Variants in TTYH3 observed in about 807,000 individuals in gnomAD.
TTYH3 encodes the protein protein tweety homolog 3.
TTYH3 carries 23 observed loss-of-function variants against 68.2 expected under a neutral mutation model. The ratio of observed to expected loss-of-function variants is 0.34; its 90% confidence interval spans 0.24 to 0.48. TTYH3 has a LOEUF of 0.48. Among genes scored for constraint, TTYH3 ranks in the 20% least tolerant of loss-of-function variants. The pLI is 0.99. For missense variants in TTYH3, 768 were observed against 727.7 expected, an observed-to-expected ratio of 1.06 and a Z score of -0.64; for synonymous variants, 360 against 332.8, an observed-to-expected ratio of 1.08 and a Z score of -0.89.
intron 1 of TTYH3, among the ~76,000 whole-genome samples, chr7:2,640,954 G>C (rs1475192577): frequency 2.0e-5 from 3 of 152,250 alleles, no homozygotes; most frequent in African/African-American, 7.2e-5. Context: ...TGCAGCACCG[G>C]GTTTGGGCCT....
chr7:2,643,787 C>T (rs1401371108), intron 1 of TTYH3, among the ~76,000 whole-genome samples: 1 of 149,952 alleles, frequency 6.7e-6, no homozygotes, highest in Non-Finnish European at 1.5e-5. Context: ...GGTGGACATG[C>T]CAGGCCGGTG....
chr7:2,657,741 C>G lies in TTYH3; in HGVS notation c.1251-545C>G, dbSNP rs113546125. 2.6e-5 allele frequency among the ~76,000 whole-genome samples: 4 copies of G among 152,350 alleles called. 1 individual carries two copies. The highest frequency in any genetic ancestry group is 9.6e-5 in the African/African-American group (4 of 41,590). ...CTGGTGGCCCCTGCGCAGCCAAAAG[C>G]TACCACTGTCCTGTTTCTGAAGTGC... On this transcript the variant is annotated intron_variant, in intron 11 of 13. Transcript: ENST00000258796.
At position 2,648,163 on chromosome 7, in the gene TTYH3, C is replaced by T. The variant is rs555647176; in HGVS notation, c.722+109C>T. On this transcript the variant is annotated intron_variant, in intron 5 of 13. Transcript: ENST00000258796. Reference sequence around the variant, plus strand: ...CTGCAGATCCTAGCCACAAGCTCTGCGGTGGGGGCTGAGCGGGACCCCCCT... The same window carrying T: ...CTGCAGATCCTAGCCACAAGCTCTGTGGTGGGGGCTGAGCGGGACCCCCCT... 100 of 1,079,522 alleles carry T rather than the reference C, an allele frequency of 9.3e-5. 1 individual carries two copies. The African/African-American group carries it at 1.0e-3, about 11-fold the overall frequency. 66.9% of individuals were successfully genotyped at this position (1,079,522 alleles called of 1,614,324 possible). A position where few individuals can be genotyped will look rare whatever the true frequency, so the allele number is the denominator to read the frequency against.
At chr7:2,658,563 G>A (rs774805252) in intron 12 of TTYH3, 104 bp downstream of exon 12, 244 of 1,394,908 alleles carry the variant, frequency 1.7e-4, no homozygotes, top group Non-Finnish European at 2.3e-4. Flanking sequence ...GAGAAGGGGC[G>A]GCCTCCGGGC....
intron 7 of TTYH3, among the ~76,000 whole-genome samples, chr7:2,650,437 G>A (rs991420697): frequency 1.2e-4 from 18 of 152,164 alleles, no homozygotes; most frequent in African/African-American, 4.3e-4. Flanking sequence ...AATGAGCTGG[G>A]TGTGGTCGTG....
rs1562713906 is a variant in TTYH3, at chr7:2,648,954, G to GTGGGGCCTGCAGTGGGGTA, written c.723-606_723-605insTGCAGTGGGGTATGGGGCC. ...TGGGGTGTGGGGCCCGCAGTGGGGT[G>GTGGGGCCTGCAGTGGGGTA]TGGGGCCCGCAGTGGGGTGTGGGGC... On this transcript the variant is annotated intron_variant, in intron 5 of 13. Transcript: ENST00000258796. Among the ~76,000 whole-genome samples, 45 of 140,302 alleles carry GTGGGGCCTGCAGTGGGGTA rather than the reference G, an allele frequency of 3.2e-4. 4 individuals are homozygous for GTGGGGCCTGCAGTGGGGTA. In the East Asian group the frequency reaches 8.2e-3, roughly 26 times the overall value. 92.0% of individuals were successfully genotyped at this position (140,302 alleles called of 152,430 possible).
At chr7:2,635,936 G>A (rs925114710) in intron 1 of TTYH3, among the ~76,000 whole-genome samples, 4 of 152,024 alleles carry the variant, frequency 2.6e-5, no homozygotes, top group African/African-American at 9.7e-5. Context: ...CTTGAGCCTC[G>A]GGGAGAGGCC....
intron 6 of TTYH3, 61 bp from the exon 7 acceptor site, chr7:2,649,852 C>G (rs375215836): frequency 2.5e-6 from 4 of 1,589,676 alleles, no homozygotes; most frequent in Non-Finnish European, 3.4e-6. Flanking sequence ...GTTCTACCCC[C>G]GAGAGCTTCC....
intron 12 of TTYH3, 132 bp downstream of exon 12, chr7:2,658,591 G>A: frequency 8.9e-7 from 1 of 1,127,524 alleles, no homozygotes. Context: ...CCCTGGCCTT[G>A]AGTGCCTCCT....
At chr7:2,655,968 G>T in intron 9 of TTYH3, 124 bp from the exon 10 acceptor site, 1 of 733,230 alleles carries the variant, frequency 1.4e-6, no homozygotes, top group Non-Finnish European at 2.2e-6. Flanking sequence ...CCCCAGGGTG[G>T]GGGGTATCTC....
rs772793673 is a variant in TTYH3 at position 2,653,026 on chromosome 7, G to T, written c.1020+16G>T. ...GGCCACTAAGGTGAGGGGCTGCGGG[G>T]TAGGCACTGGGGCAGGCAGGGCTCC... On this transcript the variant is annotated intron_variant, in intron 9 of 13. Coordinates refer to ENST00000258796, the MANE Select transcript of TTYH3 (RefSeq NM_025250.3). 1 of 1,556,884 alleles carries T rather than the reference G, an allele frequency of 6.4e-7. No homozygotes were observed. The highest frequency in any genetic ancestry group is 1.2e-5 in the South Asian group (1 of 84,678).
At chr7:2,650,471 C>T (rs111845542) in intron 7 of TTYH3, among the ~76,000 whole-genome samples, 2,932 of 152,044 alleles carry the variant, frequency 0.019, 81 homozygotes, top group African/African-American at 0.067. Flanking sequence ...CCAGCTACTC[C>T]GGAGACTGAG....
intron 1 of TTYH3, among the ~76,000 whole-genome samples, chr7:2,640,045 C>A (rs892135555): frequency 6.6e-6 from 1 of 152,202 alleles, no homozygotes; most frequent in Non-Finnish European, 1.5e-5. Flanking sequence ...GACTCTGGAA[C>A]TCCCTGTGCC....
intron 13 of TTYH3, chr7:2,659,956 T>C (rs1786445881): frequency 2.4e-6 from 3 of 1,263,356 alleles, no homozygotes; most frequent in Non-Finnish European, 3.1e-6. Context: ...CTGGCTGCCC[T>C]GGACTCTGGC....
intron 9 of TTYH3, among the ~76,000 whole-genome samples, chr7:2,653,708 C>T (rs1786254741): frequency 6.6e-6 from 1 of 152,086 alleles, no homozygotes; most frequent in African/African-American, 2.4e-5. Context: ...ACTAAAAATA[C>T]ATAAATTAGC....
intron 1 of TTYH3, among the ~76,000 whole-genome samples, chr7:2,643,969 G>A (rs1583561514): frequency 6.6e-6 from 1 of 152,308 alleles, no homozygotes; most frequent in African/African-American, 2.4e-5. Context: ...CCGGAGCACA[G>A]GGTCGGGGGA....
chr7:2,638,666 C>G (rs906807772), intron 1 of TTYH3, among the ~76,000 whole-genome samples: 3 of 152,202 alleles, frequency 2.0e-5, no homozygotes, highest in African/African-American at 7.2e-5. Flanking sequence ...CAGGCACGGC[C>G]AGGAGCTCAC....
chr7:2,635,062 C>T (rs1785622126), intron 1 of TTYH3, among the ~76,000 whole-genome samples: 1 of 152,142 alleles, frequency 6.6e-6, no homozygotes, highest in South Asian at 2.1e-4. Flanking sequence ...GAGGGGCTCC[C>T]GTGCTGCCTG....
At chr7:2,642,931 C>T (rs1785887043) in intron 1 of TTYH3, among the ~76,000 whole-genome samples, 1 of 149,566 alleles carries the variant, frequency 6.7e-6, no homozygotes, top group Non-Finnish European at 1.5e-5. Context: ...GCATTGGTGG[C>T]GGGTACCTGT....
Sources: allele counts gnomAD v4.1 joint callset (sites outside exome capture counted in the v4.1 genomes callset), GRCh38; gene constraint gnomAD v4.1.1; transcripts MANE v1.5; gene names NCBI Gene and HGNC (gene_info 2026-07-23, HGNC 2026-07-21).